The following DOCK5 variants were observed in gnomAD, a reference collection of about 807,000 sequenced individuals.
DOCK5 encodes the protein dedicator of cytokinesis protein 5.
Under a neutral mutation model 251.8 loss-of-function variants are expected in DOCK5, and 142 were observed. That is an observed-to-expected ratio of 0.56 (90% CI 0.49 to 0.65). The LOEUF (loss-of-function observed/expected upper bound fraction) is 0.65, where lower values mean the gene tolerates loss of function less well. DOCK5 is among the 30% of genes least tolerant of loss of function. The pLI is 0.00. For missense variants in DOCK5, 2,111 were observed against 2,312.3 expected, an observed-to-expected ratio of 0.91 and a Z score of 1.79; for synonymous variants, 842 against 835.5, an observed-to-expected ratio of 1.01 and a Z score of -0.13.
chr8:25,345,284 G>A (rs1053081384), intron 25 of DOCK5, 191 bp from the exon 26 acceptor site: 28 of 470,856 alleles, frequency 5.9e-5, no homozygotes, highest in Middle Eastern at 1.1e-3. Context: ...ATTCATCTGC[G>A]CATTGAACAA....
intron 50 of DOCK5, chr8:25,409,894 T>C (rs570120507): frequency 1.9e-6 from 1 of 514,800 alleles, no homozygotes; most frequent in Admixed American, 3.5e-5. Flanking sequence ...GAACACCTTG[T>C]GGAGCTCTTG....
Position 25,194,881 on chromosome 8 carries a change from C to G in DOCK5, c.43+9930C>G, listed in dbSNP as rs189994593. ...TGCTGCTGATGTTTCCATTTCAATGCAAGCCTGCATTAGCGTCTGCAGGGC... is the reference window on the plus strand; with the variant it reads ...TGCTGCTGATGTTTCCATTTCAATGGAAGCCTGCATTAGCGTCTGCAGGGC... On this transcript the variant is annotated intron_variant, in intron 1 of 51. Coordinates refer to ENST00000276440, the MANE Select transcript of DOCK5 (RefSeq NM_024940.8). Among the ~76,000 whole-genome samples, 6 of 152,112 alleles carry G rather than the reference C, an allele frequency of 3.9e-5. No homozygotes were observed. In the East Asian group the frequency reaches 1.2e-3, roughly 29 times the overall value.
At chr8:25,284,641 A>G (rs752481188) in intron 5 of DOCK5, among the ~76,000 whole-genome samples, 1 of 152,104 alleles carries the variant, frequency 6.6e-6, no homozygotes, top group Non-Finnish European at 1.5e-5. Context: ...CTGCTTCCAC[A>G]CGGCTGAGGT....
In DOCK5 at chr8:25,408,897, CT is replaced by C; in HGVS notation, c.5363del (p.Leu1788Ter). 1 of 1,613,978 alleles carries C rather than the reference CT, an allele frequency of 6.2e-7. No homozygotes were observed. The highest frequency in any genetic ancestry group is 1.3e-5 in the African/African-American group (1 of 75,032). ...GTTCTTCACCTCCTCAGTCAACACC[CT>C]TGAGCCCACCTCCACTCACTCCCAA... Reference protein sequence around the residue: ...HGSSPPQSTPLSPPPLTPKAT... With the variant: ...HGSSPPQSTPXSPPPLTPKAT... On this transcript the variant is annotated frameshift_variant, in exon 50 of 52. Transcript: ENST00000276440. LOFTEE classifies it high-confidence loss of function.
At chr8:25,320,210 G>C (rs946716282) in intron 15 of DOCK5, among the ~76,000 whole-genome samples, 2 of 152,130 alleles carry the variant, frequency 1.3e-5, no homozygotes, top group Admixed American at 1.3e-4. Flanking sequence ...GCCCAAACTA[G>C]AGTCCACTTC....
Position 25,268,825 on chromosome 8 carries a change from G to T in DOCK5, c.128-20G>T. On this transcript the variant is annotated intron_variant, in intron 2 of 51. Transcript: ENST00000276440. ...TCCCAGAAAACATAAAATATTTTGT[G>T]TTCTCTTTTGCTCTGACAGGTTGGT... 6.4e-7 allele frequency: 1 copy of T among 1,565,006 alleles called. No individual in the cohort carries two copies. Among genetic ancestry groups the T allele is most frequent in the Non-Finnish European group, 8.7e-7 (1 of 1,154,878 alleles).
chr8:25,325,363 G>C lies in DOCK5; in HGVS notation c.1720-1G>C. On this transcript the variant is annotated splice_acceptor_variant, in intron 17 of 51. Transcript: ENST00000276440. LOFTEE classifies it high-confidence loss of function. ...GGTGTTCCTAACATGCTTCCTTTTA[G>C]GGTGACAACAAAAAAATGGAAGATG... 1 of 1,613,216 alleles carries C rather than the reference G, an allele frequency of 6.2e-7. No individual in the cohort carries two copies. Among genetic ancestry groups the C allele is most frequent in the Non-Finnish European group, 8.5e-7 (1 of 1,179,626 alleles).
chr8:25,200,035 A>G (rs955602122), intron 1 of DOCK5, among the ~76,000 whole-genome samples: 5 of 152,218 alleles, frequency 3.3e-5, no homozygotes, highest in African/African-American at 4.8e-5. Context: ...TATACTTTCA[A>G]TCAGTGGATA....
chr8:25,323,838 G>C lies in DOCK5; in HGVS notation c.1616-10G>C. The C allele has an allele frequency of 1.2e-6, 2 of 1,611,126 alleles. No individual in the cohort carries two copies. The highest frequency in any genetic ancestry group is 1.7e-6 in the Non-Finnish European group (2 of 1,178,682). On this transcript the variant is annotated splice_polypyrimidine_tract_variant and intron_variant, in intron 16 of 51. Coordinates refer to ENST00000276440, the MANE Select transcript of DOCK5 (RefSeq NM_024940.8). ...CTGCACTGCTCAGACATGTCTTTCT[G>C]CCTTTTCAGCCAGAGATAAATCGGA...
At chr8:25,231,882 A>G (rs1345982006) in intron 1 of DOCK5, among the ~76,000 whole-genome samples, 1 of 152,080 alleles carries the variant, frequency 6.6e-6, no homozygotes, top group Non-Finnish European at 1.5e-5. Context: ...ATCAGATTTT[A>G]CCAAATGTCT....
rs1801029499 is a variant in DOCK5, at chr8:25,379,712, T to C, written c.3937-593T>C. Among the ~76,000 whole-genome samples the C allele has an allele frequency of 2.6e-5, 4 of 152,184 alleles. No individual in the cohort carries two copies. The South Asian group carries it at 8.3e-4, about 32-fold the overall frequency. ...AGTATTATTTGGGAACTGATAAATG[T>C]CCATGAAATCTTCACAATTTATGTT... On this transcript the variant is annotated intron_variant, in intron 38 of 51. Coordinates refer to ENST00000276440, the MANE Select transcript of DOCK5 (RefSeq NM_024940.8).
chr8:25,319,702 T>G, intron 15 of DOCK5, 26 bp downstream of exon 15: 1 of 1,484,872 alleles, frequency 6.7e-7, no homozygotes, highest in Non-Finnish European at 9.2e-7. Context: ...TTGTAACCCC[T>G]GTTATCTGTT....
In DOCK5 at chr8:25,395,702, T is replaced by C. The variant is rs745522759; in HGVS notation, c.4687T>C (p.Phe1563Leu). The C allele has an allele frequency of 1.2e-6, 2 of 1,613,746 alleles. No individual in the cohort carries two copies. The highest frequency in any genetic ancestry group is 1.1e-5 in the South Asian group (1 of 91,062). Reference protein sequence around the residue: ...GIVDPAVMGGFSNYEKAFFTE... With the variant: ...GIVDPAVMGGLSNYEKAFFTE... Reference sequence around the variant, plus strand: ...CGTGGACCCGGCCGTCATGGGGGGCTTCTCCAACTATGAAAAGGTTCGCTT... The same window carrying C: ...CGTGGACCCGGCCGTCATGGGGGGCCTCTCCAACTATGAAAAGGTTCGCTT... The change falls in exon 45 of 52, where the codon TTC (phenylalanine) becomes CTC (leucine). Residue 1563 changes from phenylalanine (F) to leucine (L), a missense_variant. Phe to Leu is a conservative substitution (Grantham distance 22, BLOSUM62 0). Around this residue, in one of 3 missense-constraint regions of DOCK5, gnomAD observed 1,717 missense variants for 1,892.4 expected, o/e 0.91. Transcript: ENST00000276440.
rs984698319 is a variant in DOCK5 at position 25,184,732 on chromosome 8, G to GCGGGCA, written c.-165_-160dup. On this transcript the variant is annotated 5_prime_UTR_variant, in exon 1 of 52. Coordinates refer to ENST00000276440, the MANE Select transcript of DOCK5 (RefSeq NM_024940.8). ...GGCCCAGCAGGTGACCGCGGGCGGC[G>GCGGGCA]CGGGCACGGGCACGGGCGCGGGCGG... 1.1e-4 allele frequency: 38 copies of GCGGGCA among 353,526 alleles called. No homozygotes were observed. Among genetic ancestry groups the GCGGGCA allele is most frequent in the South Asian group, 4.8e-4 (4 of 8,420 alleles). The allele number at this position is 353,526 out of a possible 1,614,324, so 21.9% of individuals were successfully genotyped here. A position where few individuals can be genotyped will look rare whatever the true frequency, so the allele number is the denominator to read the frequency against.
chr8:25,243,744 G>A lies in DOCK5; in HGVS notation c.114G>A (p.Leu38=). The part of the protein sequence containing the change: ...SLQIGDTVHI[L]EMYEGWYRGY... ...AGATCGGTGACACAGTTCACATCCT[G>A]GAGATGTACGAGGGTAAGTCTGGCT... is the stretch of plus-strand genomic sequence containing the variant. The change falls in exon 2 of 52, where the codon CTG becomes CTA. Residue 38 remains leucine (L), a synonymous_variant. Transcript: ENST00000276440. 6.2e-7 allele frequency: 1 copy of A among 1,613,578 alleles called. No homozygotes were observed. Among genetic ancestry groups the A allele is most frequent in the African/African-American group, 1.3e-5 (1 of 75,046 alleles).
chr8:25,399,073 C>T (rs1055314508), intron 45 of DOCK5, among the ~76,000 whole-genome samples: 3 of 152,114 alleles, frequency 2.0e-5, no homozygotes, highest in Non-Finnish European at 2.9e-5. Flanking sequence ...GGCTGGTCTT[C>T]GAAAGCACTT....
chr8:25,253,372 G>A (rs186677889), intron 2 of DOCK5, among the ~76,000 whole-genome samples: 91 of 146,058 alleles, frequency 6.2e-4, no homozygotes, highest in African/African-American at 2.2e-3. Context: ...ATTTTGGACC[G>A]CAACAGATCT....
Position 25,210,068 on chromosome 8 carries a change from G to A in DOCK5, c.43+25117G>A, listed in dbSNP as rs1453840080. The stretch of plus-strand genomic sequence containing the variant: ...TGTGTGTGTGTGTGTGTGTGTGTGT[G>A]TATCTGTCTATTTATCTATCTATCT... On this transcript the variant is annotated intron_variant, in intron 1 of 51. Transcript: ENST00000276440. 1.6e-4 allele frequency among the ~76,000 whole-genome samples: 3 copies of A among 19,094 alleles called. 1 individual carries two copies. Among genetic ancestry groups the A allele is most frequent in the East Asian group, 1.7e-3 (2 of 1,190 alleles). The allele number at this position is 19,094 out of a possible 152,430, so 12.5% of individuals were successfully genotyped here.
chr8:25,332,079 A>G (rs1338924151), intron 18 of DOCK5, among the ~76,000 whole-genome samples, 172 bp from the exon 19 acceptor site: 1 of 152,200 alleles, frequency 6.6e-6, no homozygotes, highest in Non-Finnish European at 1.5e-5. Context: ...AAAGAGGACC[A>G]CAAGGTTTTC....
Sources: gnomAD v4.1 joint callset for allele counts (sites outside exome capture counted in the v4.1 genomes callset) on GRCh38, gnomAD v4.1.1 for gene constraint, gnomAD v4.1.1 regional missense constraint, MANE v1.5 for transcripts, NCBI Gene and HGNC (gene_info 2026-07-23, HGNC 2026-07-21) for gene names.